CPVL: variants seen among roughly 807,000 people sequenced by gnomAD.
CPVL encodes the protein probable serine carboxypeptidase CPVL.
CPVL carries 51 observed loss-of-function variants against 63.7 expected under a neutral mutation model. The observed-to-expected ratio is 0.80, with a 90% confidence interval of 0.64 to 1.01. The LOEUF (loss-of-function observed/expected upper bound fraction) is 1.01. Ranked by LOEUF, CPVL falls within the 50% of genes least tolerant of loss-of-function variation. The pLI, the probability that CPVL is intolerant of heterozygous loss-of-function variation, is 0.00. For missense variants in CPVL, 530 were observed against 573.1 expected (o/e 0.92, Z 0.77); for synonymous variants, 195 against 206.0 (o/e 0.95, Z 0.46).
At chr7:29,030,884 C>G in intron 11 of CPVL, 125 bp from the exon 12 acceptor site, 1 of 813,026 alleles carries the variant, frequency 1.2e-6, no homozygotes, top group South Asian at 2.0e-5. Flanking sequence ...AGATTTTCTT[C>G]TAGTTAGCCA....
At chr7:29,105,394 C>G (rs144274942) in intron 3 of CPVL, among the ~76,000 whole-genome samples, 203 of 152,302 alleles carry the variant, frequency 1.3e-3, no homozygotes, top group African/African-American at 4.8e-3. Flanking sequence ...GGCCGAGTGC[C>G]TGGAGAAGCA....
At position 29,003,154 on chromosome 7, in the gene CPVL, GCA is replaced by G. The variant is rs535400256; in HGVS notation, c.1321-7274_1321-7273del. Among the ~76,000 whole-genome samples, 1,097 of 123,684 alleles carry G rather than the reference GCA, an allele frequency of 8.9e-3. 13 individuals carry two copies. Among genetic ancestry groups the G allele is most frequent in the East Asian group, 0.033 (149 of 4,572 alleles). 81.1% of individuals were successfully genotyped at this position (123,684 alleles called of 152,430 possible). On this transcript the variant is annotated intron_variant, in intron 12 of 12. Transcript: ENST00000265394. ...ATATTACACTATAGTATGTGTATGT[GCA>G]CACACACACACACACACACACACAC...
intron 5 of CPVL, among the ~76,000 whole-genome samples, chr7:29,155,838 C>T (rs950984119): frequency 1.3e-5 from 2 of 152,016 alleles, no homozygotes; most frequent in Non-Finnish European, 2.9e-5. Context: ...CCTGGAAAGG[C>T]GAGGACATTT....
intron 5 of CPVL, among the ~76,000 whole-genome samples, chr7:29,166,197 T>G (rs897511233): frequency 6.6e-5 from 10 of 152,052 alleles, no homozygotes; most frequent in African/African-American, 2.4e-4. Flanking sequence ...CATCCAGTTT[T>G]TTTTTGTTTT....
At chr7:29,105,266 G>C (rs1787608491) in intron 3 of CPVL, among the ~76,000 whole-genome samples, 1 of 152,190 alleles carries the variant, frequency 6.6e-6, no homozygotes, top group South Asian at 2.1e-4. Context: ...AGTCTCAGCT[G>C]ACTGGACCAA....
intron 1 of CPVL, among the ~76,000 whole-genome samples, chr7:29,123,222 T>C (rs1196044329): frequency 6.6e-6 from 1 of 152,152 alleles, no homozygotes; most frequent in Non-Finnish European, 1.5e-5. Flanking sequence ...ATATTGGTTA[T>C]AGCAAATTTT....
chr7:29,157,836 T>TA (rs111855752), intron 5 of CPVL, among the ~76,000 whole-genome samples: 27,299 of 148,884 alleles, frequency 0.18, 2,512 homozygotes, highest in Admixed American at 0.22. Context: ...AGGAGGATGC[T>TA]AAAAAAAAAA....
chr7:29,032,823 T>C (rs927733600), intron 11 of CPVL, among the ~76,000 whole-genome samples: 3 of 152,170 alleles, frequency 2.0e-5, no homozygotes, highest in African/African-American at 4.8e-5. Flanking sequence ...CAATGTGATG[T>C]TTTTTTCATC....
chr7:29,109,603 G>C (rs933716377), intron 3 of CPVL, among the ~76,000 whole-genome samples: 1 of 152,140 alleles, frequency 6.6e-6, no homozygotes, highest in Admixed American at 6.5e-5. Context: ...TTCCTGGTAA[G>C]AGGTTCTTGG....
rs1466137923 is a variant in CPVL, at chr7:29,080,686, A to T, written c.609+5798T>A. 2.0e-5 allele frequency among the ~76,000 whole-genome samples: 3 copies of T among 152,190 alleles called. No homozygotes were observed. In the East Asian group the frequency reaches 5.8e-4, roughly 29 times the overall value. ...TCATTAAGCACCGTGCTTAGTATTG[A>T]ATAAGAAACAAACATGGCTCTCGCA... On this transcript the variant is annotated intron_variant, in intron 7 of 12. Coordinates refer to ENST00000265394, the MANE Select transcript of CPVL (RefSeq NM_031311.5).
chr7:29,052,637 C>T (rs771826008), intron 11 of CPVL, among the ~76,000 whole-genome samples: 2 of 152,084 alleles, frequency 1.3e-5, no homozygotes, highest in South Asian at 2.1e-4. Context: ...AGGCTGGGCA[C>T]GGTGGCTCAC....
chr7:29,039,700 C>T (rs1310465782), intron 11 of CPVL, among the ~76,000 whole-genome samples: 3 of 151,614 alleles, frequency 2.0e-5, no homozygotes, highest in East Asian at 1.9e-4. Context: ...ACAGAGAACA[C>T]AAAACTTTTC....
intron 2 of CPVL, among the ~76,000 whole-genome samples, chr7:29,113,072 G>A (rs1042472200): frequency 6.6e-6 from 1 of 152,006 alleles, no homozygotes; most frequent in African/African-American, 2.4e-5. Context: ...TATTTTATAA[G>A]CTGTAATAAG....
intron 6 of CPVL, among the ~76,000 whole-genome samples, chr7:29,090,932 A>ATTAGT (rs1785706619): frequency 1.3e-5 from 2 of 152,210 alleles, no homozygotes; most frequent in Non-Finnish European, 2.9e-5. Flanking sequence ...TCCACTCTTT[A>ATTAGT]AACCTGTAGT....
intron 3 of CPVL, among the ~76,000 whole-genome samples, chr7:29,102,316 C>T (rs909404433): frequency 6.6e-6 from 1 of 152,084 alleles, no homozygotes; most frequent in Non-Finnish European, 1.5e-5. Flanking sequence ...TAAGTGTCAG[C>T]TCTGATGATT....
intron 1 of CPVL, among the ~76,000 whole-genome samples, chr7:29,191,349 AAG>A (rs1175894294): frequency 6.6e-6 from 1 of 152,228 alleles, no homozygotes; most frequent in Non-Finnish European, 1.5e-5. Flanking sequence ...CCAACAGAAG[AAG>A]AGTTATTTTC....
At chr7:29,080,547 C>T (rs1309822819) in intron 7 of CPVL, among the ~76,000 whole-genome samples, 1 of 102,610 alleles carries the variant, frequency 9.7e-6, no homozygotes, top group Non-Finnish European at 2.0e-5. Flanking sequence ...ATCAGAGTGA[C>T]ACTTTGTCTC....
chr7:29,142,212 C>T (rs1161787563), intron 1 of CPVL, among the ~76,000 whole-genome samples: 2 of 152,164 alleles, frequency 1.3e-5, no homozygotes, highest in African/African-American at 2.4e-5. Flanking sequence ...TGTAGATAAA[C>T]AGGCATTAAA....
intron 10 of CPVL, among the ~76,000 whole-genome samples, chr7:29,065,014 TGAAGGACACAAGACAGAA>T (rs1304312375): frequency 6.6e-6 from 1 of 151,446 alleles, no homozygotes; most frequent in African/African-American, 2.4e-5. Context: ...TGATACTTTA[TGAAGGACACAAGACAGAA>T]GAAAAGTTGT....
Sources: gnomAD v4.1 joint callset for allele counts (sites outside exome capture counted in the v4.1 genomes callset) on GRCh38, gnomAD v4.1.1 for gene constraint, MANE v1.5 for transcripts, NCBI Gene and HGNC (gene_info 2026-07-23, HGNC 2026-07-21) for gene names.